UNC80: variants seen among roughly 807,000 people sequenced by gnomAD.
UNC80 encodes unc-80 subunit of NALCN channel complex, also known as protein unc-80 homolog.
In UNC80, 164 loss-of-function variants were observed where a neutral mutation model predicts 384.6. That is an observed-to-expected ratio of 0.43 (90% CI 0.38 to 0.49). The LOEUF (loss-of-function observed/expected upper bound fraction) is 0.49, where lower values mean the gene tolerates loss of function less well. Ranked by LOEUF, UNC80 falls within the 20% of genes least tolerant of loss-of-function variation. The pLI is 0.00. For synonymous variants in UNC80, 1,486 were observed against 1,527.8 expected, an observed-to-expected ratio of 0.97 and a Z score of 0.64; for missense variants, 3,330 against 4,143.0, an observed-to-expected ratio of 0.80 and a Z score of 5.39.
At chr2:209,977,298 C>A (rs1012784352) in intron 58 of UNC80, among the ~76,000 whole-genome samples, 1 of 152,196 alleles carries the variant, frequency 6.6e-6, no homozygotes. Context: ...AAAAGGATAT[C>A]ATAAGAATTT....
At chr2:209,956,134 T>TA (rs2092406952) in intron 48 of UNC80, among the ~76,000 whole-genome samples, 1 of 152,182 alleles carries the variant, frequency 6.6e-6, no homozygotes, top group Non-Finnish European at 1.5e-5. Context: ...AAAATTGACT[T>TA]ACTCGAAGTG....
At chr2:209,885,760 T>TA (rs1477707295) in intron 25 of UNC80, among the ~76,000 whole-genome samples, 2 of 151,520 alleles carry the variant, frequency 1.3e-5, no homozygotes, top group Non-Finnish European at 3.0e-5. Context: ...TTAACTTTTT[T>TA]TTTTTTTTTT....
intron 24 of UNC80, among the ~76,000 whole-genome samples, chr2:209,880,267 G>A (rs2085167670): frequency 6.6e-6 from 1 of 152,150 alleles, no homozygotes; most frequent in Admixed American, 6.6e-5. Flanking sequence ...GCTTCTAGTG[G>A]ATACAATGCT....
Position 209,927,428 on chromosome 2 carries a change from G to A in UNC80, c.5806+442G>A, listed in dbSNP as rs1183696776. The stretch of plus-strand genomic sequence containing the variant: ...GAAAAGATGAGTAACATTTGTGACA[G>A]ACAAAGGTTAATTTCTTAACGTTAC... On this transcript the variant is annotated intron_variant, in intron 36 of 64. Transcript: ENST00000673920. Among the ~76,000 whole-genome samples, 3 of 152,192 alleles carry A rather than the reference G, an allele frequency of 2.0e-5. No individual in the cohort carries two copies. In the East Asian group the frequency reaches 5.8e-4, roughly 29 times the overall value.
chr2:209,930,353 T>C (rs554792513), intron 37 of UNC80, among the ~76,000 whole-genome samples: 1 of 152,236 alleles, frequency 6.6e-6, no homozygotes, highest in East Asian at 1.9e-4. Flanking sequence ...CAGACCACCT[T>C]GTAAGAAGAT....
intron 22 of UNC80, among the ~76,000 whole-genome samples, chr2:209,866,490 C>CACACACACACACACACA (rs1559226593): frequency 4.6e-5 from 5 of 107,554 alleles, no homozygotes; most frequent in East Asian, 2.9e-4. Context: ...AAATGCACCC[C>CACACACACACACACACA]CACACACACA....
At chr2:209,781,572 C>A (rs975519637) in intron 4 of UNC80, among the ~76,000 whole-genome samples, 1 of 152,166 alleles carries the variant, frequency 6.6e-6, no homozygotes, top group Non-Finnish European at 1.5e-5. Context: ...GACACCACAC[C>A]CTTCTGGTTC....
chr2:209,993,422 G>C lies in UNC80; in HGVS notation c.9504G>C (p.Pro3168=). ...GGAGCATTCAACCTAAAACGAAGCC[G>C]TCTGGTGAGGCCTCCTGTGTCCCTT... ...TRRSIQPKTK[P]SADQKRSVTF... is the part of the protein sequence containing the mutation. The change falls in exon 63 of 65, where the codon CCG becomes CCC. Residue 3168 remains proline, a synonymous_variant. Transcript: ENST00000673920. The C allele has an allele frequency of 6.4e-7, 1 of 1,551,242 alleles. No individual in the cohort carries two copies. Among genetic ancestry groups the C allele is most frequent in the East Asian group, 2.4e-5 (1 of 40,904 alleles).
chr2:209,955,895 C>G (rs184120397), intron 48 of UNC80, among the ~76,000 whole-genome samples: 3 of 151,174 alleles, frequency 2.0e-5, no homozygotes, highest in Non-Finnish European at 3.0e-5. Context: ...AGGCATGCAC[C>G]ACCAGGCCCC....
chr2:209,809,354 C>T (rs966494368), intron 7 of UNC80: 8 of 899,748 alleles, frequency 8.9e-6, no homozygotes, highest in Non-Finnish European at 1.5e-5. Flanking sequence ...AAGGCCTTCT[C>T]CAGACCCTGG....
chr2:209,816,888 C>T, intron 9 of UNC80, 21 bp from the exon 10 acceptor site: 8 of 1,550,886 alleles, frequency 5.2e-6, no homozygotes, highest in Non-Finnish European at 7.0e-6. Flanking sequence ...GTGCCTAATT[C>T]TACACCTCTC....
chr2:209,854,544 A>C (rs1254296097), intron 22 of UNC80, among the ~76,000 whole-genome samples: 1 of 152,176 alleles, frequency 6.6e-6, no homozygotes. Context: ...AAATTTTTGC[A>C]ATCTATCCAT....
At chr2:209,880,572 G>C (rs2085199467) in intron 24 of UNC80, among the ~76,000 whole-genome samples, 1 of 152,206 alleles carries the variant, frequency 6.6e-6, no homozygotes, top group South Asian at 2.1e-4. Flanking sequence ...TAGCAGCGTA[G>C]AAATCTTGCG....
At chr2:209,891,238 A>G (rs2086295570) in intron 26 of UNC80, among the ~76,000 whole-genome samples, 1 of 152,152 alleles carries the variant, frequency 6.6e-6, no homozygotes, top group African/African-American at 2.4e-5. Context: ...ACAGATAATC[A>G]TATATCATAT....
At chr2:209,927,851 A>G (rs76639321) in intron 36 of UNC80, among the ~76,000 whole-genome samples, 4,066 of 152,294 alleles carry the variant, frequency 0.027, 110 homozygotes, top group South Asian at 0.13. Flanking sequence ...TATTTAAAAT[A>G]AAAAATATTT....
chr2:209,862,649 C>CTTGTTTTTTTTTTT (rs2083427450), intron 22 of UNC80, among the ~76,000 whole-genome samples: 1 of 78,824 alleles, frequency 1.3e-5, no homozygotes, highest in Non-Finnish European at 2.4e-5. Flanking sequence ...GCAACCTCTG[C>CTTGTTTTTTTTTTT]TTTTTTTTTT....
chr2:209,810,928 A>C (rs927012193), intron 7 of UNC80, among the ~76,000 whole-genome samples: 2 of 151,908 alleles, frequency 1.3e-5, no homozygotes, highest in African/African-American at 4.8e-5. Context: ...TTATAAATCC[A>C]AGATTACAGC....
intron 3 of UNC80, among the ~76,000 whole-genome samples, chr2:209,776,839 G>A (rs539636450): frequency 6.6e-6 from 1 of 152,252 alleles, no homozygotes; most frequent in East Asian, 1.9e-4. Flanking sequence ...CTGGCAATGT[G>A]TCCTACCCAT....
chr2:209,856,435 G>T (rs934324975), intron 22 of UNC80, among the ~76,000 whole-genome samples: 42 of 151,976 alleles, frequency 2.8e-4, no homozygotes, highest in African/African-American at 9.7e-4. Context: ...TTAATGAAGA[G>T]ATTTTAATTT....
Sources: allele counts gnomAD v4.1 joint callset (sites outside exome capture counted in the v4.1 genomes callset), GRCh38; gene constraint gnomAD v4.1.1; transcripts MANE v1.5; gene names NCBI Gene and HGNC (gene_info 2026-07-23, HGNC 2026-07-21).